TTF2: variants seen among roughly 807,000 people sequenced by gnomAD.
TTF2 encodes transcription termination factor 2.
TTF2 carries 108 observed loss-of-function variants against 142.4 expected under a neutral mutation model. The ratio of observed to expected loss-of-function variants is 0.76; its 90% CI spans 0.65 to 0.89. The LOEUF is 0.89. Ranked by LOEUF, TTF2 falls within the 40% of genes least tolerant of loss-of-function variation. The pLI is 0.00. For missense variants in TTF2, 1,327 were observed against 1,379.8 expected, an observed-to-expected ratio of 0.96 and a Z score of 0.61; for synonymous variants, 483 against 506.2, an observed-to-expected ratio of 0.95 and a Z score of 0.61.
Position 117,086,359 on chromosome 1 carries a change from C to T in TTF2, c.2055-58C>T, listed in dbSNP as rs1204808137. 1 of 1,262,792 alleles carries T rather than the reference C, an allele frequency of 7.9e-7. No homozygotes were observed. The highest frequency in any genetic ancestry group is 1.2e-6 in the Non-Finnish European group (1 of 867,006). The allele number at this position is 1,262,792 out of a possible 1,614,324, so 78.2% of individuals were successfully genotyped here. A position where few individuals can be genotyped will look rare whatever the true frequency, so the allele number is the denominator to read the frequency against. The stretch of plus-strand genomic sequence containing the variant: ...TTTTATTGAAAGATCAACTCTGCCT[C>T]TCTCATTGTCCCTCTATAGTGGGAC... On this transcript the variant is annotated intron_variant, in intron 11 of 22. Coordinates refer to ENST00000369466, the MANE Select transcript of TTF2 (RefSeq NM_003594.4). The surrounding 1 kb of genome is among the most constrained non-coding windows in gnomAD (Gnocchi z 4.2).
At position 117,064,707 on chromosome 1, in the gene TTF2, C is replaced by T. The variant is rs149042997; in HGVS notation, c.218+2234C>T. ...TAATTTTTTTGTATTTTAGTAGAAA[C>T]GGAGTTTCACCATGTTGCCCAGGCT... On this transcript the variant is annotated intron_variant, in intron 3 of 22. Transcript: ENST00000369466. Among the ~76,000 whole-genome samples, 578 of 152,012 alleles carry T rather than the reference C, an allele frequency of 3.8e-3. 5 individuals are homozygous for T. Among genetic ancestry groups the T allele is most frequent in the African/African-American group, 0.013 (528 of 41,498 alleles).
rs375855192 is a variant in TTF2 at position 117,062,427 on chromosome 1, G to C, written c.172G>C (p.Val58Leu). The change falls in exon 3 of 23, where the codon GTA becomes CTA. Residue 58 changes from valine to leucine, a missense_variant. Physicochemically the swap from Val to Leu is conservative, Grantham distance 32 (BLOSUM62 1). Coordinates refer to ENST00000369466, the MANE Select transcript of TTF2 (RefSeq NM_003594.4). Reference protein sequence around the residue: ...SHCLLHEDFVVELQGLLLPQD... With the variant: ...SHCLLHEDFVLELQGLLLPQD... ...TTGCTTATTGCATGAGGACTTTGTG[G>C]TAGAGCTTCAGGGTTTGCTTCTGCC... 7.4e-6 allele frequency: 12 copies of C among 1,612,784 alleles called. No homozygotes were observed. The Admixed American group carries it at 1.0e-4, about 13-fold the overall frequency.
intron 20 of TTF2, among the ~76,000 whole-genome samples, chr1:117,096,782 C>T (rs914699111): frequency 6.6e-6 from 1 of 152,066 alleles, no homozygotes; most frequent in African/African-American, 2.4e-5. Flanking sequence ...TTAAAGAGCA[C>T]AAATATTCTA....
chr1:117,068,534 A>G (rs1389468754), intron 3 of TTF2, among the ~76,000 whole-genome samples: 1 of 151,402 alleles, frequency 6.6e-6, no homozygotes, highest in Non-Finnish European at 1.5e-5. Context: ...CCTAGAACTT[A>G]AAGTGTAATA....
chr1:117,067,067 C>G (rs910593536), intron 3 of TTF2, among the ~76,000 whole-genome samples: 1 of 152,116 alleles, frequency 6.6e-6, no homozygotes, highest in Non-Finnish European at 1.5e-5. Flanking sequence ...GAAGAAAGGC[C>G]TGACTGAGGT....
chr1:117,095,034 A>G (rs970700636), intron 18 of TTF2, among the ~76,000 whole-genome samples: 1 of 152,180 alleles, frequency 6.6e-6, no homozygotes, highest in Non-Finnish European at 1.5e-5. Flanking sequence ...GAACCCAGAG[A>G]AGCAGAGGCT....
intron 7 of TTF2, among the ~76,000 whole-genome samples, chr1:117,077,650 G>A (rs1455297611): frequency 6.6e-6 from 1 of 152,168 alleles, no homozygotes; most frequent in Non-Finnish European, 1.5e-5. Context: ...AAGATTCCAA[G>A]TGGAGCCTGA....
In TTF2 at chr1:117,076,032, G is replaced by A; in HGVS notation, c.1276-148G>A. 7.7e-7 allele frequency: 1 copy of A among 1,290,962 alleles called. No individual in the cohort carries two copies. Among genetic ancestry groups the A allele is most frequent in the Non-Finnish European group, 1.0e-6 (1 of 960,426 alleles). The allele number at this position is 1,290,962 out of a possible 1,614,324, so 80.0% of individuals were successfully genotyped here. A position where few individuals can be genotyped will look rare whatever the true frequency, so the allele number is the denominator to read the frequency against. ...ATTTTCAAGATTGGTAAGCCAGCTG[G>A]GTTAAAATTTAAAAAAGGTTCTGGT... On this transcript the variant is annotated intron_variant, in intron 5 of 22. Transcript: ENST00000369466. This position sits in a 1 kb window ranked among gnomAD's most constrained non-coding sequence, Gnocchi z 4.6.
In TTF2 at chr1:117,095,420, T is replaced by C; in HGVS notation, c.3035+53T>C. ...ATTGGTCATAATTATGTGAGAAAAT[T>C]TGATATTGCCAAGAGTTATAAATCA... On this transcript the variant is annotated intron_variant, in intron 19 of 22. Coordinates refer to ENST00000369466, the MANE Select transcript of TTF2 (RefSeq NM_003594.4). 2.6e-6 allele frequency: 4 copies of C among 1,547,098 alleles called. No individual in the cohort carries two copies. The South Asian group carries it at 3.3e-5, about 13-fold the overall frequency.
In TTF2 at chr1:117,093,749, A is replaced by G. The variant is rs1227393683; in HGVS notation, c.2976+848A>G. Among the ~76,000 whole-genome samples, 1 of 152,202 alleles carries G rather than the reference A, an allele frequency of 6.6e-6. No individual in the cohort carries two copies. Among genetic ancestry groups the G allele is most frequent in the Non-Finnish European group, 1.5e-5 (1 of 68,040 alleles). ...CACACATGCTAGTGCCTTCAGAGTG[A>G]GCTATTGGGCTAAAATTTAAATTCC... On this transcript the variant is annotated intron_variant, in intron 18 of 22. Coordinates refer to ENST00000369466, the MANE Select transcript of TTF2 (RefSeq NM_003594.4). This position sits in a 1 kb window ranked among gnomAD's most constrained non-coding sequence, Gnocchi z 4.5.
rs1649947168 is a variant in TTF2, at chr1:117,106,402, T to TAATA, written c.*4879_*4882dup. On this transcript the variant is annotated 3_prime_UTR_variant, in exon 23 of 23. Coordinates refer to ENST00000369466, the MANE Select transcript of TTF2 (RefSeq NM_003594.4). Reference sequence around the variant, plus strand: ...ATTCCATAGCTAAATCCAGATGTATTAATAGGTAGAGACTACTTCAGAAAG... The same window carrying TAATA: ...ATTCCATAGCTAAATCCAGATGTATTAATAAATAGGTAGAGACTACTTCAGAAAG... 6.6e-6 allele frequency: 1 copy of TAATA among 152,204 alleles called. No homozygotes were observed. The highest frequency in any genetic ancestry group is 2.4e-5 in the African/African-American group (1 of 41,450). The allele number at this position is 152,204 out of a possible 1,614,324, so 9.4% of individuals were successfully genotyped here.
At position 117,075,687 on chromosome 1, in the gene TTF2, G is replaced by A. The variant is rs748543112; in HGVS notation, c.1103G>A (p.Ser368Asn). The change falls in exon 5 of 23, where the codon AGC becomes AAC. Residue 368 changes from serine (S) to asparagine (N), a missense_variant. Coordinates refer to ENST00000369466, the MANE Select transcript of TTF2 (RefSeq NM_003594.4). This position sits in a 1 kb window ranked among gnomAD's most constrained non-coding sequence, Gnocchi z 4.5. ...DVVFVSSKPG[S>N]PLLFDSTLDL... Reference sequence around the variant, plus strand: ...GTTTTTGTTTCCTCTAAGCCTGGGAGCCCCCTACTCTTTGACTCGACTCTG... The same window carrying A: ...GTTTTTGTTTCCTCTAAGCCTGGGAACCCCCTACTCTTTGACTCGACTCTG... 1.9e-6 allele frequency: 3 copies of A among 1,614,026 alleles called. No homozygotes were observed. The highest frequency in any genetic ancestry group is 4.5e-5 in the East Asian group (2 of 44,888).
At position 117,084,099 on chromosome 1, in the gene TTF2, A is replaced by G; in HGVS notation, c.1985A>G (p.Lys662Arg). ...LIHHWKNEVE[K>R]RVNSNKLRVY... ...CATCATTGGAAAAATGAGGTGGAGA[A>G]ACGGGTGAACAGCAACAAACTAAGA... The change falls in exon 11 of 23, where the codon AAA (lysine) becomes AGA (arginine). Residue 662 changes from lysine to arginine, a missense_variant. Lys to Arg is a conservative substitution (Grantham distance 26). Coordinates refer to ENST00000369466, the MANE Select transcript of TTF2 (RefSeq NM_003594.4). 6.2e-7 allele frequency: 1 copy of G among 1,614,204 alleles called. No individual in the cohort carries two copies. Among genetic ancestry groups the G allele is most frequent in the Non-Finnish European group, 8.5e-7 (1 of 1,180,040 alleles).
rs1271525816 is a variant in TTF2, at chr1:117,086,957, AG to A, written c.2160+438del. On this transcript the variant is annotated intron_variant, in intron 12 of 22. Transcript: ENST00000369466. The surrounding 1 kb of genome is among the most constrained non-coding windows in gnomAD (Gnocchi z 4.2). ...CCCTTTACTTCCCAGAAAAAAAAAA[AG>A]GGTTGCAAATAATAAGGCCAGAGGC... Among the ~76,000 whole-genome samples the A allele has an allele frequency of 1.3e-5, 2 of 151,392 alleles. No homozygotes were observed. The highest frequency in any genetic ancestry group is 4.9e-5 in the African/African-American group (2 of 41,082).
rs1022586690 is a variant in TTF2 at position 117,079,713 on chromosome 1, T to C, written c.1783+64T>C. 5.8e-5 allele frequency: 86 copies of C among 1,473,580 alleles called. No homozygotes were observed. Among genetic ancestry groups the C allele is most frequent in the Non-Finnish European group, 7.8e-5 (82 of 1,052,442 alleles). 91.3% of individuals were successfully genotyped at this position (1,473,580 alleles called of 1,614,324 possible). On this transcript the variant is annotated intron_variant, in intron 9 of 22. Coordinates refer to ENST00000369466, the MANE Select transcript of TTF2 (RefSeq NM_003594.4). The surrounding 1 kb of genome is among the most constrained non-coding windows in gnomAD (Gnocchi z 4.2). ...CTTAGGCATTGTGCTAAACACGTAG[T>C]GTTGTTTCATTTATTCCTCTCAAGA...
chr1:117,076,626 T>C lies in TTF2; in HGVS notation c.1391-15T>C, dbSNP rs917596796. 6.9e-6 allele frequency: 11 copies of C among 1,597,304 alleles called. No individual in the cohort carries two copies. Among genetic ancestry groups the C allele is most frequent in the Admixed American group, 1.7e-5 (1 of 58,746 alleles). On this transcript the variant is annotated splice_polypyrimidine_tract_variant and intron_variant, in intron 6 of 22. Coordinates refer to ENST00000369466, the MANE Select transcript of TTF2 (RefSeq NM_003594.4). This position sits in a 1 kb window ranked among gnomAD's most constrained non-coding sequence, Gnocchi z 4.6. ...TGCTGAACTTTAATCTGCTCTTCCC[T>C]TGTTTTCTGAGCAGGAACTAATGAG...
Position 117,087,732 on chromosome 1 carries a change from T to C in TTF2, c.2161-1069T>C, listed in dbSNP as rs1648153074. On this transcript the variant is annotated intron_variant, in intron 12 of 22. Transcript: ENST00000369466. The surrounding 1 kb of genome is among the most constrained non-coding windows in gnomAD (Gnocchi z 4.8). Reference sequence around the variant, plus strand: ...CCATGCTCTGTCACAGTGTTGTGTCTGTTCTCCCTCCGAATGAAACGCTTT... The same window carrying C: ...CCATGCTCTGTCACAGTGTTGTGTCCGTTCTCCCTCCGAATGAAACGCTTT... Among the ~76,000 whole-genome samples the C allele has an allele frequency of 6.6e-6, 1 of 152,216 alleles. No homozygotes were observed. Among genetic ancestry groups the C allele is most frequent in the Non-Finnish European group, 1.5e-5 (1 of 68,042 alleles).
rs757392525 is a variant in TTF2 at position 117,081,836 on chromosome 1, A to G, written c.1792A>G (p.Met598Val). 6.2e-7 allele frequency: 1 copy of G among 1,613,484 alleles called. No individual in the cohort carries two copies. Among genetic ancestry groups the G allele is most frequent in the Non-Finnish European group, 8.5e-7 (1 of 1,179,822 alleles). ...KPQGGILADD[M>V]GLGKTLTMIA... ...TTGCTTTTATTTTCTAGCAGATGAT[A>G]TGGGCTTAGGAAAAACCCTGACAAT... The change falls in exon 10 of 23, where the codon ATG becomes GTG. Residue 598 changes from methionine to valine, a missense_variant. Coordinates refer to ENST00000369466, the MANE Select transcript of TTF2 (RefSeq NM_003594.4).
chr1:117,094,929 A>C (rs1291717493), intron 18 of TTF2, among the ~76,000 whole-genome samples: 1 of 152,120 alleles, frequency 6.6e-6, no homozygotes, highest in Non-Finnish European at 1.5e-5. Flanking sequence ...TGTTCTAGGC[A>C]GAGGGAGCAG....
Sources: allele counts gnomAD v4.1 joint callset (sites outside exome capture counted in the v4.1 genomes callset), GRCh38; gene constraint gnomAD v4.1.1; non-coding constraint Gnocchi (gnomAD v3.1); transcripts MANE v1.5; gene names NCBI Gene and HGNC (gene_info 2026-07-23, HGNC 2026-07-21).